PKIB: variants seen among roughly 807,000 people sequenced by gnomAD.
PKIB encodes the protein PKI-beta.
In PKIB, 2 loss-of-function variants were observed where a neutral mutation model predicts 4.5. The observed-to-expected ratio is 0.44, with a 90% CI of 0.18 to 1.39. PKIB has a LOEUF of 1.39. Ranked by LOEUF, PKIB falls within the 40% of genes most tolerant of loss-of-function variation. The pLI, the probability that PKIB is intolerant of heterozygous loss-of-function variation, is 0.27. For missense variants in PKIB, 94 were observed against 92.6 expected, an observed-to-expected ratio of 1.02 and a Z score of -0.06; for synonymous variants, 38 against 36.0, an observed-to-expected ratio of 1.06 and a Z score of -0.20.
At chr6:122,547,873 A>G (rs1048179966) in intron 2 of PKIB, among the ~76,000 whole-genome samples, 3 of 136,800 alleles carry the variant, frequency 2.2e-5, no homozygotes, top group Non-Finnish European at 3.1e-5. Context: ...AAGTGGAGTT[A>G]TGCGTCTGTG....
At chr6:122,591,353 C>A (rs989836372) in intron 3 of PKIB, among the ~76,000 whole-genome samples, 2 of 152,128 alleles carry the variant, frequency 1.3e-5, no homozygotes, top group Non-Finnish European at 2.9e-5. Context: ...ATTTCCTCTT[C>A]TTCCTTTACT....
chr6:122,588,096 C>T (rs1458578622), intron 3 of PKIB, among the ~76,000 whole-genome samples: 1 of 152,026 alleles, frequency 6.6e-6, no homozygotes, highest in Non-Finnish European at 1.5e-5. Flanking sequence ...GAAGTCCTTG[C>T]CCATGCCTAT....
Position 122,717,868 on chromosome 6 carries a change from G to A in PKIB, c.74G>A (p.Gly25Asp). ...AATTTTGCATCTTCAGCAAGGGCAGGCCGCCGGAATGCCTTACCAGACATC... is the reference window on the plus strand; with the variant it reads ...AATTTTGCATCTTCAGCAAGGGCAGACCGCCGGAATGCCTTACCAGACATC... ...VANFASSARA[G>D]RRNALPDIQS... Residue 25 changes from glycine to aspartate, a missense_variant, in exon 4 of 5, where the codon GGC becomes GAC. Physicochemically the swap from Gly to Asp is moderately conservative, Grantham distance 94. Transcript: ENST00000368452. 6.2e-7 allele frequency: 1 copy of A among 1,614,082 alleles called. No homozygotes were observed. The highest frequency in any genetic ancestry group is 8.5e-7 in the Non-Finnish European group (1 of 1,179,988).
chr6:122,496,716 A>G lies in PKIB; in HGVS notation c.-248+18777A>G, dbSNP rs562771800. ...AAAAAATGAGCAAAGTCTCCAAGAA[A>G]TATGAGATTACTTAAAGTGACCAAG... On this transcript the variant is annotated intron_variant, in intron 2 of 6. Transcript: ENST00000392491. Among the ~76,000 whole-genome samples the G allele has an allele frequency of 5.9e-5, 9 of 152,306 alleles. No homozygotes were observed. In the South Asian group the frequency reaches 1.4e-3, roughly 25 times the overall value.
At chr6:122,627,154 A>T (rs1775483960) in intron 1 of PKIB, among the ~76,000 whole-genome samples, 1 of 151,572 alleles carries the variant, frequency 6.6e-6, no homozygotes, top group East Asian at 1.9e-4. Context: ...GAGGCAGGAA[A>T]ACGGCGTAAA....
intron 3 of PKIB, among the ~76,000 whole-genome samples, chr6:122,598,864 G>T (rs1774262978): frequency 6.6e-6 from 1 of 152,032 alleles, no homozygotes; most frequent in African/African-American, 2.4e-5. Context: ...TACTTAGTGG[G>T]CCCAAATCAA....
At chr6:122,550,236 A>G (rs1405511568) in intron 2 of PKIB, among the ~76,000 whole-genome samples, 1 of 152,170 alleles carries the variant, frequency 6.6e-6, no homozygotes, top group Non-Finnish European at 1.5e-5. Context: ...TCTAATAAAA[A>G]GTCTAGCTAA....
At chr6:122,616,905 G>A (rs1238514307) in intron 1 of PKIB, among the ~76,000 whole-genome samples, 1 of 152,060 alleles carries the variant, frequency 6.6e-6, no homozygotes, top group Non-Finnish European at 1.5e-5. Context: ...TTTTTAAGAC[G>A]AGTAGGCAAA....
intron 2 of PKIB, among the ~76,000 whole-genome samples, chr6:122,663,631 C>T (rs1777102061): frequency 6.6e-6 from 1 of 152,016 alleles, no homozygotes; most frequent in Non-Finnish European, 1.5e-5. Context: ...TAGATGTGTC[C>T]CTCCTATTTC....
At chr6:122,511,740 C>T (rs1161962106) in intron 2 of PKIB, among the ~76,000 whole-genome samples, 3 of 152,092 alleles carry the variant, frequency 2.0e-5, no homozygotes, top group Admixed American at 6.5e-5. Flanking sequence ...ATGCTCAGGG[C>T]GAAACAGTGA....
chr6:122,493,933 C>T (rs764925923), intron 2 of PKIB, among the ~76,000 whole-genome samples: 6 of 152,100 alleles, frequency 3.9e-5, no homozygotes, highest in Non-Finnish European at 8.8e-5. Flanking sequence ...GAAACGGGAT[C>T]TTCTCCCATC....
intron 3 of PKIB, among the ~76,000 whole-genome samples, chr6:122,686,854 T>C (rs1778111928): frequency 6.6e-6 from 1 of 152,174 alleles, no homozygotes; most frequent in Non-Finnish European, 1.5e-5. Context: ...TCCTTATATA[T>C]TTTAATTATT....
chr6:122,587,667 T>A (rs1371914236), intron 3 of PKIB, among the ~76,000 whole-genome samples: 1 of 152,192 alleles, frequency 6.6e-6, no homozygotes, highest in Non-Finnish European at 1.5e-5. Context: ...TTCCTATTTC[T>A]CCACATCCTC....
intron 2 of PKIB, among the ~76,000 whole-genome samples, chr6:122,525,954 A>G (rs547368901): frequency 6.6e-6 from 1 of 152,304 alleles, no homozygotes; most frequent in East Asian, 1.9e-4. Context: ...AATCTCTGCA[A>G]TGTTGCTACT....
chr6:122,607,207 C>G (rs1258627217), upstream of PKIB, among the ~76,000 whole-genome samples: 1 of 152,068 alleles, frequency 6.6e-6, no homozygotes, highest in Admixed American at 6.5e-5. Context: ...AGGCATGTGG[C>G]TTATGCCTGA....
chr6:122,647,886 G>A (rs554844922), intron 2 of PKIB, among the ~76,000 whole-genome samples: 5 of 152,310 alleles, frequency 3.3e-5, no homozygotes, highest in African/African-American at 7.2e-5. Flanking sequence ...GCCTGGCGGC[G>A]TGACCCAAAC....
intron 2 of PKIB, among the ~76,000 whole-genome samples, chr6:122,670,015 G>A (rs1026931333): frequency 6.6e-6 from 1 of 151,432 alleles, no homozygotes; most frequent in Admixed American, 6.6e-5. Context: ...GGTTAGGGAT[G>A]CAGGCCCCTT....
chr6:122,626,947 C>G (rs1237979095), intron 1 of PKIB, among the ~76,000 whole-genome samples: 1 of 151,658 alleles, frequency 6.6e-6, no homozygotes, highest in Non-Finnish European at 1.5e-5. Flanking sequence ...GAGTAACAAT[C>G]ATCTCGGCCG....
intron 2 of PKIB, among the ~76,000 whole-genome samples, chr6:122,553,490 T>G: frequency 7.4e-6 from 1 of 135,164 alleles, no homozygotes; most frequent in Non-Finnish European, 1.6e-5. Flanking sequence ...TCTTTTTTTT[T>G]TTTTTTTTTT....
Sources: gnomAD v4.1 joint callset for allele counts (sites outside exome capture counted in the v4.1 genomes callset) on GRCh38, gnomAD v4.1.1 for gene constraint, MANE v1.5 for transcripts, NCBI Gene and HGNC (gene_info 2026-07-23, HGNC 2026-07-21) for gene names.